Variants in PPP2R5A observed in about 807,000 individuals in gnomAD.
PPP2R5A encodes serine/threonine-protein phosphatase 2A 56 kDa regulatory subunit alpha isoform.
A neutral mutation model predicts 64.2 loss-of-function variants in PPP2R5A; 25 were observed. That is an observed-to-expected ratio of 0.39 (90% CI 0.28 to 0.54). The LOEUF (loss-of-function observed/expected upper bound fraction) is 0.54, where lower values mean the gene tolerates loss of function less well. Among genes scored for constraint, PPP2R5A ranks in the 20% least tolerant of loss-of-function variants. The pLI, the probability that PPP2R5A is intolerant of heterozygous loss-of-function variation, is 0.67. For missense variants in PPP2R5A, 425 were observed against 576.3 expected, an observed-to-expected ratio of 0.74 and a Z score of 2.69; for synonymous variants, 198 against 201.2, an observed-to-expected ratio of 0.98 and a Z score of 0.13.
chr1:212,304,588 G>T (rs1189328130), intron 1 of PPP2R5A, among the ~76,000 whole-genome samples: 1 of 152,014 alleles, frequency 6.6e-6, no homozygotes, highest in African/African-American at 2.4e-5. Context: ...TCGCTATGTT[G>T]CCCAGGCTTG....
At chr1:212,293,971 G>GT (rs1658648139) in intron 1 of PPP2R5A, among the ~76,000 whole-genome samples, 1 of 152,064 alleles carries the variant, frequency 6.6e-6, no homozygotes, top group South Asian at 2.1e-4. Flanking sequence ...AAAGTACAGG[G>GT]TTTTAAAACC....
chr1:212,328,156 A>C (rs1659439463), intron 1 of PPP2R5A, among the ~76,000 whole-genome samples: 1 of 152,218 alleles, frequency 6.6e-6, no homozygotes, highest in Non-Finnish European at 1.5e-5. Context: ...AGTATGTAAA[A>C]TATAATTGCT....
intron 3 of PPP2R5A, among the ~76,000 whole-genome samples, chr1:212,335,309 C>G (rs1659573803): frequency 6.6e-6 from 1 of 151,856 alleles, no homozygotes; most frequent in Non-Finnish European, 1.5e-5. Context: ...AACCCCATCT[C>G]TACTAAAAAT....
rs191445174 is a variant in PPP2R5A at position 212,300,003 on chromosome 1, G to A, written c.181+13712G>A. Among the ~76,000 whole-genome samples, 24 of 152,174 alleles carry A rather than the reference G, an allele frequency of 1.6e-4. 2 individuals are homozygous for A. The highest frequency in any genetic ancestry group is 1.2e-3 in the Admixed American group (18 of 15,266). On this transcript the variant is annotated intron_variant, in intron 1 of 12. Transcript: ENST00000261461. ...AATTTTTGTATTTTTAGTAGATAACGGGGTTTTGCCATGTTGGCCATGCTG... is the reference window on the plus strand; with the variant it reads ...AATTTTTGTATTTTTAGTAGATAACAGGGTTTTGCCATGTTGGCCATGCTG...
intron 1 of PPP2R5A, among the ~76,000 whole-genome samples, chr1:212,310,730 A>C (rs2102419934): frequency 6.6e-6 from 1 of 152,328 alleles, no homozygotes; most frequent in South Asian, 2.1e-4. Flanking sequence ...TGTTGCACAA[A>C]AGGTAGAGCC....
chr1:212,356,019 A>T (rs1659971290), intron 8 of PPP2R5A, among the ~76,000 whole-genome samples: 4 of 152,270 alleles, frequency 2.6e-5, no homozygotes, highest in Admixed American at 2.6e-4. Flanking sequence ...AGTCAAGATC[A>T]CACCACTGCA....
chr1:212,319,715 G>C (rs1023836118), intron 1 of PPP2R5A, among the ~76,000 whole-genome samples: 1 of 148,470 alleles, frequency 6.7e-6, no homozygotes, highest in Non-Finnish European at 1.5e-5. Flanking sequence ...CTGCCTCCCG[G>C]GTTCAAGCGA....
chr1:212,313,404 A>T (rs887895885), intron 1 of PPP2R5A, among the ~76,000 whole-genome samples: 2 of 151,896 alleles, frequency 1.3e-5, no homozygotes, highest in Non-Finnish European at 2.9e-5. Context: ...ACATACTTAC[A>T]TTTTTTTGGT....
intron 8 of PPP2R5A, among the ~76,000 whole-genome samples, chr1:212,355,494 C>G (rs923420787): frequency 1.3e-5 from 2 of 152,100 alleles, no homozygotes; most frequent in African/African-American, 4.8e-5. Flanking sequence ...AGATCTATTT[C>G]CACAAAACCA....
chr1:212,316,935 T>A (rs891285450), intron 1 of PPP2R5A, among the ~76,000 whole-genome samples: 9 of 152,206 alleles, frequency 5.9e-5, no homozygotes, highest in African/African-American at 2.2e-4. Context: ...GCGTGAATGC[T>A]TGACTGTCTT....
chr1:212,321,328 C>G (rs1211477847), intron 1 of PPP2R5A, among the ~76,000 whole-genome samples: 3 of 150,188 alleles, frequency 2.0e-5, no homozygotes, highest in Admixed American at 1.3e-4. Flanking sequence ...GCTGACCCCC[C>G]CACCTCCCTT....
At chr1:212,297,096 C>CTTTTTTTTTTTTTTTTTTTT (rs869112186) in intron 1 of PPP2R5A, among the ~76,000 whole-genome samples, 3 of 82,642 alleles carry the variant, frequency 3.6e-5, no homozygotes, top group Admixed American at 1.6e-4. Flanking sequence ...TTTGCTTCTT[C>CTTTTTTTTTTTTTTTTTTTT]TTTTTTTTTT....
At chr1:212,341,314 C>T (rs961000624) in intron 3 of PPP2R5A, among the ~76,000 whole-genome samples, 4 of 152,174 alleles carry the variant, frequency 2.6e-5, no homozygotes, top group Non-Finnish European at 4.4e-5. Flanking sequence ...CCTGTACTTA[C>T]GTAATTTGGT....
intron 1 of PPP2R5A, among the ~76,000 whole-genome samples, chr1:212,323,297 T>C (rs1011168390): frequency 1.3e-5 from 2 of 152,224 alleles, no homozygotes; most frequent in Admixed American, 1.3e-4. Flanking sequence ...CAGGAAATCA[T>C]CTCTCAGAAT....
chr1:212,348,268 A>G (rs1659817343), intron 6 of PPP2R5A, 121 bp from the exon 7 acceptor site: 1 of 659,814 alleles, frequency 1.5e-6, no homozygotes, highest in African/African-American at 1.9e-5. Context: ...TTTGAAGATG[A>G]GCAGTCATAC....
At chr1:212,312,170 T>C (rs1423896637) in intron 1 of PPP2R5A, among the ~76,000 whole-genome samples, 1 of 152,236 alleles carries the variant, frequency 6.6e-6, no homozygotes, top group African/African-American at 2.4e-5. Context: ...TAGTATTTAG[T>C]ATAGTAGCAT....
At chr1:212,322,785 T>TTATTTATC (rs1454345553) in intron 1 of PPP2R5A, among the ~76,000 whole-genome samples, 1 of 151,708 alleles carries the variant, frequency 6.6e-6, no homozygotes, top group Non-Finnish European at 1.5e-5. Flanking sequence ...ATTTATTTAT[T>TTATTTATC]TATTTATTTC....
chr1:212,357,172 T>C lies in PPP2R5A; in HGVS notation c.1114T>C (p.Leu372=), dbSNP rs993754123. The C allele has an allele frequency of 1.3e-6, 2 of 1,586,974 alleles. No individual in the cohort carries two copies. Among genetic ancestry groups the C allele is most frequent in the African/African-American group, 1.4e-5 (1 of 73,296 alleles). The change falls in exon 11 of 13, where the codon TTG becomes CTG. Residue 372 remains leucine, a synonymous_variant. Coordinates refer to ENST00000261461, the MANE Select transcript of PPP2R5A (RefSeq NM_006243.4). The stretch of plus-strand genomic sequence containing the variant: ...CTTTTTTTAGGTTGCAGAAAGGGCA[T>C]TGTACTTCTGGAATAACGAATATAT... The part of the protein sequence containing the change: ...SSHFQVAERA[L]YFWNNEYILS...
intron 3 of PPP2R5A, among the ~76,000 whole-genome samples, chr1:212,338,513 A>C (rs1006366150): frequency 1.3e-5 from 2 of 152,082 alleles, no homozygotes; most frequent in Non-Finnish European, 2.9e-5. Context: ...CAGCAATCCC[A>C]GTAATCCCAG....
Sources: allele counts gnomAD v4.1 joint callset (sites outside exome capture counted in the v4.1 genomes callset), GRCh38; gene constraint gnomAD v4.1.1; transcripts MANE v1.5; gene names NCBI Gene and HGNC (gene_info 2026-07-23, HGNC 2026-07-21).